Variants in ZCCHC7 observed in about 807,000 individuals in gnomAD.
ZCCHC7 encodes the protein zinc finger CCHC-type containing 7.
ZCCHC7 carries 35 observed loss-of-function variants against 52.0 expected under a neutral mutation model. That is an observed-to-expected ratio of 0.67 (90% CI 0.51 to 0.89). The LOEUF is 0.89. Among genes scored for constraint, ZCCHC7 ranks in the 40% least tolerant of loss-of-function variants. The probability of loss-of-function intolerance (pLI) is 0.00; values close to 1 mark genes in which losing one functional copy is unlikely to be tolerated. For synonymous variants in ZCCHC7, 217 were observed against 221.5 expected, an observed-to-expected ratio of 0.98 and a Z score of 0.18; for missense variants, 574 against 649.1, an observed-to-expected ratio of 0.88 and a Z score of 1.26.
intron 2 of ZCCHC7, among the ~76,000 whole-genome samples, chr9:37,159,841 G>A (rs992287256): frequency 1.3e-5 from 2 of 152,164 alleles, no homozygotes; most frequent in African/African-American, 4.8e-5. Flanking sequence ...TCTCTGGCAA[G>A]TGAAAAATGG....
chr9:37,351,943 A>C (rs77546139), intron 7 of ZCCHC7, among the ~76,000 whole-genome samples: 1,979 of 152,328 alleles, frequency 0.013, 42 homozygotes, highest in African/African-American at 0.045. Flanking sequence ...TTTACAATAA[A>C]GCAAATTTGG....
At chr9:37,206,498 T>G (rs1588479823) in intron 2 of ZCCHC7, among the ~76,000 whole-genome samples, 2 of 152,072 alleles carry the variant, frequency 1.3e-5, no homozygotes, top group South Asian at 4.1e-4. Context: ...ACTACAAGTA[T>G]GTACCACCAC....
chr9:37,236,550 C>T (rs1825662039), intron 2 of ZCCHC7, among the ~76,000 whole-genome samples: 1 of 152,048 alleles, frequency 6.6e-6, no homozygotes, highest in Non-Finnish European at 1.5e-5. Context: ...CGCCACCACG[C>T]CCGGCTAATT....
chr9:37,216,901 T>A (rs1824537532), intron 2 of ZCCHC7, among the ~76,000 whole-genome samples: 1 of 152,266 alleles, frequency 6.6e-6, no homozygotes, highest in South Asian at 2.1e-4. Context: ...CTCTGTAGAT[T>A]AAGGATAATT....
At chr9:37,148,699 T>C (rs1195663094) in intron 2 of ZCCHC7, among the ~76,000 whole-genome samples, 5 of 152,178 alleles carry the variant, frequency 3.3e-5, no homozygotes, top group Admixed American at 2.0e-4. Flanking sequence ...TGGACAGATA[T>C]GATGTTCAAG....
intron 6 of ZCCHC7, among the ~76,000 whole-genome samples, chr9:37,328,962 T>C (rs76765411): frequency 0.05 from 7,630 of 152,014 alleles, 630 homozygotes; most frequent in African/African-American, 0.17. Flanking sequence ...AATATATACA[T>C]ACCCATGTAT....
At chr9:37,216,552 T>A (rs1169194543) in intron 2 of ZCCHC7, among the ~76,000 whole-genome samples, 1 of 152,142 alleles carries the variant, frequency 6.6e-6, no homozygotes, top group Non-Finnish European at 1.5e-5. Flanking sequence ...CACACACCTG[T>A]ATTCCCAGCT....
At chr9:37,239,050 A>G (rs1400625510) in intron 2 of ZCCHC7, among the ~76,000 whole-genome samples, 1 of 152,182 alleles carries the variant, frequency 6.6e-6, no homozygotes, top group Non-Finnish European at 1.5e-5. Flanking sequence ...TGGAGTCATC[A>G]GTGTTCTACA....
intron 6 of ZCCHC7, among the ~76,000 whole-genome samples, chr9:37,342,946 C>G (rs1820731918): frequency 6.6e-6 from 1 of 152,190 alleles, no homozygotes; most frequent in African/African-American, 2.4e-5. Context: ...CAATTTTGCC[C>G]TTGATTGCCC....
chr9:37,123,147 C>CA (rs1323954773), intron 1 of ZCCHC7, among the ~76,000 whole-genome samples: 1 of 150,836 alleles, frequency 6.6e-6, no homozygotes, highest in African/African-American at 2.5e-5. Flanking sequence ...ACTTGGGAAT[C>CA]ATGTACAGGG....
chr9:37,170,208 A>G (rs571915125), intron 2 of ZCCHC7, among the ~76,000 whole-genome samples: 9 of 152,322 alleles, frequency 5.9e-5, no homozygotes, highest in African/African-American at 1.7e-4. Flanking sequence ...CCTTAAACAG[A>G]ATATATGGAT....
chr9:37,138,143 G>A (rs1843077045), intron 2 of ZCCHC7, among the ~76,000 whole-genome samples: 1 of 152,098 alleles, frequency 6.6e-6, no homozygotes, highest in African/African-American at 2.4e-5. Flanking sequence ...TATTGTTAGG[G>A]CATCTTTTTA....
At chr9:37,165,311 CTTTT>C (rs555387893) in intron 2 of ZCCHC7, among the ~76,000 whole-genome samples, 7 of 151,154 alleles carry the variant, frequency 4.6e-5, no homozygotes, top group African/African-American at 1.7e-4. Context: ...ATGCAGATGA[CTTTT>C]TTGTTTTTTT....
At chr9:37,230,397 C>A (rs1199875958) in intron 2 of ZCCHC7, among the ~76,000 whole-genome samples, 1 of 152,078 alleles carries the variant, frequency 6.6e-6, no homozygotes, top group Non-Finnish European at 1.5e-5. Context: ...TATGGGACAG[C>A]TGCCATATAC....
rs565560824 is a variant in ZCCHC7, at chr9:37,221,101, A to G, written c.611-81087A>G. Among the ~76,000 whole-genome samples the G allele has an allele frequency of 2.6e-4, 39 of 152,340 alleles. No homozygotes were observed. In the South Asian group the frequency reaches 6.8e-3, roughly 27 times the overall value. ...CTTACCAGGTTCCACCAGTGTAGCC[A>G]CAGAGGCACATCAGTAGCACCCTTA... On this transcript the variant is annotated intron_variant, in intron 2 of 8. Coordinates refer to ENST00000336755, the MANE Select transcript of ZCCHC7 (RefSeq NM_032226.3).
intron 2 of ZCCHC7, among the ~76,000 whole-genome samples, chr9:37,194,892 A>G (rs1823206245): frequency 2.7e-5 from 4 of 150,410 alleles, no homozygotes; most frequent in Admixed American, 2.6e-4. Flanking sequence ...GTCACTGCTT[A>G]CTCTCAGGTG....
At chr9:37,131,287 C>T (rs1378046475) in intron 2 of ZCCHC7, among the ~76,000 whole-genome samples, 1 of 150,996 alleles carries the variant, frequency 6.6e-6, no homozygotes, top group Non-Finnish European at 1.5e-5. Flanking sequence ...TTGCAGTGAG[C>T]CGAGATAGCG....
chr9:37,219,563 A>G (rs1030770942), intron 2 of ZCCHC7, among the ~76,000 whole-genome samples: 1 of 152,148 alleles, frequency 6.6e-6, no homozygotes. Flanking sequence ...TAGCCTCTGT[A>G]TTTCCTGGCA....
At chr9:37,200,453 A>G (rs752378845) in intron 2 of ZCCHC7, among the ~76,000 whole-genome samples, 57 of 152,344 alleles carry the variant, frequency 3.7e-4, no homozygotes, top group African/African-American at 8.9e-4. Context: ...TTAAAAAGCT[A>G]TAATCCCAGC....
Sources: gnomAD v4.1 joint callset for allele counts (sites outside exome capture counted in the v4.1 genomes callset) on GRCh38, gnomAD v4.1.1 for gene constraint, MANE v1.5 for transcripts, NCBI Gene and HGNC (gene_info 2026-07-23, HGNC 2026-07-21) for gene names.